C2CD3: variants seen among roughly 807,000 people sequenced by gnomAD.
C2CD3 encodes C2 domain containing 3 centriole elongation regulator, also known as C2 domain-containing protein 3.
Under a neutral mutation model 234.0 loss-of-function variants are expected in C2CD3, and 148 were observed. The ratio of observed to expected loss-of-function variants is 0.63; its 90% CI spans 0.55 to 0.72. The LOEUF is 0.72. Among genes scored for constraint, C2CD3 ranks in the 30% least tolerant of loss-of-function variants. C2CD3 has a pLI of 0.00. For synonymous variants in C2CD3, 1,000 were observed against 1,035.4 expected (o/e 0.97, Z 0.66); for missense variants, 2,577 against 2,811.5 (o/e 0.92, Z 1.89).
chr11:74,106,470 T>C lies in C2CD3; in HGVS notation c.1986A>G (p.Ser662=), dbSNP rs1311887033. 2 of 1,613,922 alleles carry C rather than the reference T, an allele frequency of 1.2e-6. No homozygotes were observed. The highest frequency in any genetic ancestry group is 1.7e-6 in the Non-Finnish European group (2 of 1,179,884). Residue 662 remains serine, a synonymous_variant, in exon 13 of 33, where the codon TCA becomes TCG. Coordinates refer to ENST00000334126, the MANE Select transcript of C2CD3 (RefSeq NM_001286577.2). ...ATTGAATGACAGCTCGCAAAGAAAG[T>C]GACACAGATCCAATGACTTCTGGCT... The part of the protein sequence containing the change: ...QKKPEVIGSV[S]LSLRAVIQSE...
intron 3 of C2CD3, among the ~76,000 whole-genome samples, chr11:74,150,372 T>C (rs371544382): frequency 4.6e-5 from 7 of 150,794 alleles, no homozygotes; most frequent in African/African-American, 1.5e-4. Context: ...CCTGTAATCC[T>C]AGCTACTTGG....
intron 22 of C2CD3, among the ~76,000 whole-genome samples, chr11:74,080,608 A>G (rs373591835): frequency 6.6e-6 from 1 of 152,220 alleles, no homozygotes; most frequent in Admixed American, 6.5e-5. Flanking sequence ...GTAGGAAAAA[A>G]CAAAATAGAG....
chr11:74,100,735 T>C, intron 14 of C2CD3, 59 bp from the exon 15 acceptor site: 1 of 1,411,200 alleles, frequency 7.1e-7, no homozygotes, highest in Non-Finnish European at 9.7e-7. Flanking sequence ...AAATATTAAT[T>C]TATACTTTCA....
At position 74,026,804 on chromosome 11, in the gene C2CD3, C is replaced by A. The variant is rs180750246; in HGVS notation, c.6921+1483G>T. On this transcript the variant is annotated intron_variant, in intron 32 of 32. Coordinates refer to ENST00000334126, the MANE Select transcript of C2CD3 (RefSeq NM_001286577.2). ...CCAACATGGTGAAACCCTGTCTCTACTAAAAATACAAAAAGTAGCTGGGCA... is the reference window on the plus strand; with the variant it reads ...CCAACATGGTGAAACCCTGTCTCTAATAAAAATACAAAAAGTAGCTGGGCA... 3.1e-3 allele frequency among the ~76,000 whole-genome samples: 475 copies of A among 151,932 alleles called. 1 individual carries two copies. The highest frequency in any genetic ancestry group is 6.4e-3 in the Admixed American group (97 of 15,260).
chr11:74,066,138 T>C (rs1954522020), intron 24 of C2CD3, among the ~76,000 whole-genome samples: 1 of 151,046 alleles, frequency 6.6e-6, no homozygotes, highest in South Asian at 2.1e-4. Flanking sequence ...TGAGTTCGTG[T>C]CCTTTGTAGG....
intron 23 of C2CD3, among the ~76,000 whole-genome samples, chr11:74,077,789 A>G (rs1266418490): frequency 2.5e-4 from 1 of 4,038 alleles, no homozygotes; most frequent in Admixed American, 2.1e-3. Context: ...ATATATATAT[A>G]TATATATATA....
At chr11:74,123,796 T>C in intron 7 of C2CD3, among the ~76,000 whole-genome samples, 1 of 149,528 alleles carries the variant, frequency 6.7e-6, no homozygotes, top group East Asian at 2.0e-4. Context: ...TGGAGTGCCA[T>C]GGCATGATCT....
intron 13 of C2CD3, among the ~76,000 whole-genome samples, chr11:74,105,920 C>G (rs1397716312): frequency 6.6e-6 from 1 of 152,194 alleles, no homozygotes; most frequent in African/African-American, 2.4e-5. Flanking sequence ...AATCTAAACT[C>G]TTTACCTTTA....
chr11:74,106,901 T>C (rs1956544896), intron 12 of C2CD3, among the ~76,000 whole-genome samples: 1 of 152,236 alleles, frequency 6.6e-6, no homozygotes, highest in Non-Finnish European at 1.5e-5. Context: ...GGCTGTCATA[T>C]GCGTAAAGCT....
intron 30 of C2CD3, among the ~76,000 whole-genome samples, chr11:74,035,425 A>C (rs1406564030): frequency 6.6e-6 from 1 of 152,234 alleles, no homozygotes; most frequent in Non-Finnish European, 1.5e-5. Flanking sequence ...TCACGAGTTA[A>C]ATAAGATTGC....
In C2CD3 at chr11:74,049,370, T is replaced by C. The variant is rs1953560072; in HGVS notation, c.5328A>G (p.Gln1776=). 1 of 1,614,198 alleles carries C rather than the reference T, an allele frequency of 6.2e-7. No individual in the cohort carries two copies. Among genetic ancestry groups the C allele is most frequent in the Non-Finnish European group, 8.5e-7 (1 of 1,179,996 alleles). The change falls in exon 27 of 33, where the codon CAA becomes CAG. Residue 1776 remains glutamine (Q), a synonymous_variant. Transcript: ENST00000334126. ...ESLIHFKEER[Q]ARRGVETSKS... Reference sequence around the variant, plus strand: ...TTGAGGTCTCCACTCCACGCCTTGCTTGCCTTTCTTCTTTGAAGTGTATCA... The same window carrying C: ...TTGAGGTCTCCACTCCACGCCTTGCCTGCCTTTCTTCTTTGAAGTGTATCA...
intron 32 of C2CD3, among the ~76,000 whole-genome samples, chr11:74,020,466 T>C (rs917217274): frequency 1.3e-5 from 2 of 152,236 alleles, no homozygotes; most frequent in Non-Finnish European, 2.9e-5. Context: ...CCTATACTCA[T>C]TCCCTTTGCT....
In C2CD3 at chr11:74,118,720, G is replaced by A. The variant is rs374100202; in HGVS notation, c.1366-338C>T. Reference sequence around the variant, plus strand: ...ATATTTCTAATATTCACCACATTCCGACAAGGTACCTTTATGTCAGTTTTT... The same window carrying A: ...ATATTTCTAATATTCACCACATTCCAACAAGGTACCTTTATGTCAGTTTTT... On this transcript the variant is annotated intron_variant, in intron 8 of 32. Coordinates refer to ENST00000334126, the MANE Select transcript of C2CD3 (RefSeq NM_001286577.2). 4.7e-4 allele frequency among the ~76,000 whole-genome samples: 71 copies of A among 152,090 alleles called. No individual in the cohort carries two copies. The South Asian group carries it at 0.012, about 27-fold the overall frequency.
chr11:74,032,579 A>T (rs1461675906), intron 31 of C2CD3, among the ~76,000 whole-genome samples: 1 of 152,142 alleles, frequency 6.6e-6, no homozygotes, highest in Non-Finnish European at 1.5e-5. Context: ...TTTTTAAAAA[A>T]ATTTAATCTG....
chr11:74,099,446 T>C (rs1379768631), intron 15 of C2CD3, among the ~76,000 whole-genome samples: 1 of 152,222 alleles, frequency 6.6e-6, no homozygotes, highest in Non-Finnish European at 1.5e-5. Flanking sequence ...CAATACTTTA[T>C]AGGGTTATAG....
intron 7 of C2CD3, among the ~76,000 whole-genome samples, chr11:74,123,785 C>G (rs896465060): frequency 7.2e-6 from 1 of 139,090 alleles, no homozygotes; most frequent in Non-Finnish European, 1.5e-5. Flanking sequence ...ATTGCCCAGG[C>G]TGGAGTGCCA....
chr11:74,036,185 A>C (rs1248489325), intron 30 of C2CD3: 1 of 280,848 alleles, frequency 3.6e-6, no homozygotes, highest in Non-Finnish European at 7.1e-6. Context: ...CTCCTCTTTT[A>C]ATATGCCCCT....
At position 74,040,461 on chromosome 11, in the gene C2CD3, G is replaced by GT. The variant is rs955965395; in HGVS notation, c.5660+1592dup. Among the ~76,000 whole-genome samples, 669 of 146,174 alleles carry GT rather than the reference G, an allele frequency of 4.6e-3. 2 individuals are homozygous for GT. The highest frequency in any genetic ancestry group is 4.7e-3 in the African/African-American group (189 of 40,116). On this transcript the variant is annotated intron_variant, in intron 29 of 32. Coordinates refer to ENST00000334126, the MANE Select transcript of C2CD3 (RefSeq NM_001286577.2). Reference sequence around the variant, plus strand: ...GCATTATGAATCAAAGAATAGGTTAGTTTTTTTTTTTTCAAATATAAAGTC... The same window carrying GT: ...GCATTATGAATCAAAGAATAGGTTAGTTTTTTTTTTTTTCAAATATAAAGTC...
In C2CD3 at chr11:74,168,488, C is replaced by T; in HGVS notation, c.181G>A (p.Val61Ile). The T allele has an allele frequency of 6.2e-7, 1 of 1,614,194 alleles. No homozygotes were observed. Among genetic ancestry groups the T allele is most frequent in the Non-Finnish European group, 8.5e-7 (1 of 1,180,024 alleles). ...KIAKPPTCVL[V>I]RVRWWGETSD... is the part of the protein sequence containing the mutation. ...GTTTCTCCCCACCATCTCACTCGGA[C>T]AAGTACACAAGTGGGAGGCTTTGCA... The change falls in exon 2 of 33, where the codon GTC (valine) becomes ATC (isoleucine). Residue 61 changes from valine to isoleucine, a missense_variant. Physicochemically the swap from Val to Ile is conservative, Grantham distance 29. Transcript: ENST00000334126.
Sources: allele counts gnomAD v4.1 joint callset (sites outside exome capture counted in the v4.1 genomes callset), GRCh38; gene constraint gnomAD v4.1.1; transcripts MANE v1.5; gene names NCBI Gene and HGNC (gene_info 2026-07-23, HGNC 2026-07-21).